Variants in CGGBP1 observed in about 807,000 individuals in gnomAD.
CGGBP1 encodes CGG triplet repeat binding protein 1.
CGGBP1 carries 4 observed loss-of-function variants against 11.4 expected under a neutral mutation model. The observed-to-expected ratio is 0.35, with a 90% CI of 0.17 to 0.80. CGGBP1 has a LOEUF of 0.80. Among genes scored for constraint, CGGBP1 ranks in the 30% least tolerant of loss-of-function variants. The probability of loss-of-function intolerance (pLI) is 0.52; values close to 1 mark genes in which losing one functional copy is unlikely to be tolerated. For missense variants in CGGBP1, 135 were observed against 202.1 expected (o/e 0.67, Z 2.01); for synonymous variants, 76 against 74.1 (o/e 1.03, Z -0.13).
chr3:88,116,574 A>ACACACACACACACG (rs1326680617), intron 2 of CGGBP1, among the ~76,000 whole-genome samples: 2 of 151,158 alleles, frequency 1.3e-5, no homozygotes, highest in African/African-American at 4.9e-5. Context: ...ACACACACAC[A>ACACACACACACACG]CACATGCACA....
At chr3:88,098,806 C>G (rs562474085) in intron 2 of CGGBP1, among the ~76,000 whole-genome samples, 1 of 152,254 alleles carries the variant, frequency 6.6e-6, no homozygotes, top group Non-Finnish European at 1.5e-5. Flanking sequence ...TAAAAACTCT[C>G]AATAAATTAG....
At chr3:88,119,431 T>G in intron 2 of CGGBP1, among the ~76,000 whole-genome samples, 1 of 141,688 alleles carries the variant, frequency 7.1e-6, no homozygotes, top group Middle Eastern at 3.5e-3. Context: ...TTGGGAGATA[T>G]ACCTAATGCT....
chr3:88,138,059 A>G (rs1431220870), intron 2 of CGGBP1, among the ~76,000 whole-genome samples: 2 of 152,114 alleles, frequency 1.3e-5, no homozygotes, highest in Non-Finnish European at 2.9e-5. Flanking sequence ...TCATCAGTGA[A>G]TGTTTCAAAG....
chr3:88,104,450 G>A (rs554422605), intron 2 of CGGBP1, among the ~76,000 whole-genome samples: 1 of 152,254 alleles, frequency 6.6e-6, no homozygotes, highest in African/African-American at 2.4e-5. Flanking sequence ...AATGGATAGC[G>A]TTGTGTTTCA....
rs1444376725 is a variant in CGGBP1, at chr3:88,057,249, TCAGA to T, written c.-86_-83del. On this transcript the variant is annotated 5_prime_UTR_variant, in exon 3 of 4. An upstream open reading frame in the 5' UTR loses its in-frame stop. Coordinates refer to ENST00000482016, the MANE Select transcript of CGGBP1 (RefSeq NM_001008390.2). Reference sequence around the variant, plus strand: ...AAAAGGACTTTAAATTGCCAACGTATCAGACAGTCATGGATCCAGAAGATTAAAC... The same window carrying T: ...AAAAGGACTTTAAATTGCCAACGTATCAGTCATGGATCCAGAAGATTAAAC... The T allele has an allele frequency of 6.6e-6, 1 of 152,114 alleles. No individual in the cohort carries two copies. The highest frequency in any genetic ancestry group is 1.5e-5 in the Non-Finnish European group (1 of 68,028). 9.4% of individuals were successfully genotyped at this position (152,114 alleles called of 1,614,324 possible). A position where few individuals can be genotyped will look rare whatever the true frequency, so the allele number is the denominator to read the frequency against.
intron 2 of CGGBP1, among the ~76,000 whole-genome samples, chr3:88,083,771 C>T (rs1708199099): frequency 6.6e-6 from 1 of 152,016 alleles, no homozygotes; most frequent in Non-Finnish European, 1.5e-5. Context: ...TCCTGGCCAC[C>T]ATTATGTTAA....
At chr3:88,137,786 A>T (rs1706887800) in intron 2 of CGGBP1, among the ~76,000 whole-genome samples, 1 of 152,160 alleles carries the variant, frequency 6.6e-6, no homozygotes, top group African/African-American at 2.4e-5. Context: ...TGGGAACTGT[A>T]AGTAGTTCTT....
At chr3:88,129,598 C>T in intron 2 of CGGBP1, 1 of 1,034,844 alleles carries the variant, frequency 9.7e-7, no homozygotes, top group Non-Finnish European at 1.3e-6. Flanking sequence ...GAAATCTAAG[C>T]AATTTCTCTT....
intron 2 of CGGBP1, among the ~76,000 whole-genome samples, chr3:88,106,425 C>T (rs1261931689): frequency 6.6e-6 from 1 of 150,686 alleles, no homozygotes; most frequent in Non-Finnish European, 1.5e-5. Context: ...GCAGCCTCTC[C>T]CTCCTGGGTT....
At chr3:88,147,853 C>T (rs1453719960) in intron 1 of CGGBP1, among the ~76,000 whole-genome samples, 1 of 152,082 alleles carries the variant, frequency 6.6e-6, no homozygotes, top group African/African-American at 2.4e-5. Context: ...CTACTGGCAC[C>T]CAGTGGGTAG....
chr3:88,119,378 A>T (rs1705618981), intron 2 of CGGBP1, among the ~76,000 whole-genome samples: 1 of 28,576 alleles, frequency 3.5e-5, no homozygotes. Flanking sequence ...CACTCTGGGG[A>T]CTGTTGTGGG....
intron 2 of CGGBP1, among the ~76,000 whole-genome samples, chr3:88,122,357 A>G (rs1351449667): frequency 1.3e-5 from 2 of 152,172 alleles, no homozygotes; most frequent in African/African-American, 4.8e-5. Context: ...TAAAGTGGTA[A>G]GACTTTCATC....
chr3:88,139,246 C>T (rs140910532), intron 2 of CGGBP1: 59 of 1,520,842 alleles, frequency 3.9e-5, no homozygotes, highest in South Asian at 2.2e-4. Flanking sequence ...CATATTAATA[C>T]GAAGAAAAAT....
At chr3:88,134,719 TATTA>T (rs1015430208) in intron 2 of CGGBP1, among the ~76,000 whole-genome samples, 2 of 152,076 alleles carry the variant, frequency 1.3e-5, no homozygotes, top group African/African-American at 4.8e-5. Context: ...ACAAGTAAAA[TATTA>T]ATTAAAGGCC....
chr3:88,134,639 T>G (rs1706663062), intron 2 of CGGBP1, among the ~76,000 whole-genome samples: 2 of 152,160 alleles, frequency 1.3e-5, no homozygotes, highest in Admixed American at 1.3e-4. Context: ...TTTTGATATC[T>G]TAATAAATTG....
chr3:88,138,889 C>T (rs1706960564), intron 2 of CGGBP1: 5 of 1,232,224 alleles, frequency 4.1e-6, no homozygotes, highest in Non-Finnish European at 5.1e-6. Flanking sequence ...TCCTTAGAAG[C>T]GTATCGTACT....
rs755715010 is a variant in CGGBP1, at chr3:88,139,858, C to T, written c.-229+1112G>A. On this transcript the variant is annotated intron_variant, in intron 2 of 3. Coordinates refer to the CGGBP1 transcript ENST00000462901. Reference sequence around the variant, plus strand: ...TCAGTAATTCATAAAATCAATGGAACTGTGTGCCATCCAAAAGACATATAT... The same window carrying T: ...TCAGTAATTCATAAAATCAATGGAATTGTGTGCCATCCAAAAGACATATAT... 16 of 1,598,708 alleles carry T rather than the reference C, an allele frequency of 1.0e-5. No individual in the cohort carries two copies. In the African/African-American group the frequency reaches 1.1e-4, roughly 11 times the overall value.
chr3:88,115,387 G>T (rs915824468), intron 2 of CGGBP1, among the ~76,000 whole-genome samples: 2 of 152,154 alleles, frequency 1.3e-5, no homozygotes, highest in African/African-American at 4.8e-5. Context: ...TTGTAAAATG[G>T]AGGCAATAAC....
intron 1 of CGGBP1, among the ~76,000 whole-genome samples, chr3:88,145,766 G>A (rs1707301688): frequency 1.3e-5 from 2 of 152,140 alleles, no homozygotes; most frequent in South Asian, 2.1e-4. Context: ...TTATTGATGG[G>A]TACTGCACAT....
Sources: gnomAD v4.1 joint callset for allele counts (sites outside exome capture counted in the v4.1 genomes callset) on GRCh38, gnomAD v4.1.1 for gene constraint, MANE v1.5 for transcripts, NCBI Gene and HGNC (gene_info 2026-07-23, HGNC 2026-07-21) for gene names.